The following TREH variants were observed in gnomAD, a reference collection of about 807,000 sequenced individuals.
The protein encoded by TREH is alpha,alpha-trehalose glucohydrolase.
Under a neutral mutation model 80.5 loss-of-function variants are expected in TREH, and 69 were observed. That is an observed-to-expected ratio of 0.86 (90% CI 0.71 to 1.05). The LOEUF is 1.05. TREH is among the 50% of genes least tolerant of loss of function. The pLI is 0.00. For synonymous variants in TREH, 309 were observed against 293.5 expected, an observed-to-expected ratio of 1.05 and a Z score of -0.54; for missense variants, 716 against 718.8, an observed-to-expected ratio of 1.00 and a Z score of 0.04.
In TREH at chr11:118,661,774, C is replaced by T. The variant is rs894599090; in HGVS notation, c.525-45G>A. The T allele has an allele frequency of 6.2e-7, 1 of 1,609,128 alleles. No individual in the cohort carries two copies. Among genetic ancestry groups the T allele is most frequent in the African/African-American group, 1.3e-5 (1 of 74,848 alleles). ...GGCACCACCCTGCTGCCTCCCTCTGCCCTGCACACCAGCCAGTGGGGCACT... is the reference window on the plus strand; with the variant it reads ...GGCACCACCCTGCTGCCTCCCTCTGTCCTGCACACCAGCCAGTGGGGCACT... On this transcript the variant is annotated intron_variant, in intron 5 of 14. Coordinates refer to ENST00000264029, the MANE Select transcript of TREH (RefSeq NM_007180.3). This position sits in a 1 kb window ranked among gnomAD's most constrained non-coding sequence, Gnocchi z 4.2.
At chr11:118,671,353 G>A (rs937700936) in intron 1 of TREH, among the ~76,000 whole-genome samples, 1 of 151,958 alleles carries the variant, frequency 6.6e-6, no homozygotes, top group Non-Finnish European at 1.5e-5. Flanking sequence ...TAATTGAAAA[G>A]AATCAAGCTG....
At chr11:118,659,582 T>C (rs1266990407) in intron 11 of TREH, 101 bp from the exon 12 acceptor site, 1 of 1,353,322 alleles carries the variant, frequency 7.4e-7, no homozygotes, top group Non-Finnish European at 1.0e-6. Context: ...CCTTCCTGGC[T>C]CTTCTTTTCT....
intron 1 of TREH, among the ~76,000 whole-genome samples, chr11:118,669,733 G>T (rs1949413730): frequency 6.6e-6 from 1 of 152,176 alleles, no homozygotes; most frequent in Non-Finnish European, 1.5e-5. Flanking sequence ...GTCGCAGGGA[G>T]GTGGGGATGG....
In TREH at chr11:118,663,357, G is replaced by T. The variant is rs199778067; in HGVS notation, c.172C>A (p.Pro58Thr). ...YQDDKQFVDM[P>T]LSIAPEQVLQ... ...GCTTCACCTGGAGCTATAGACAGTGGCATGTCCACAAACTGCTTGTCATCC... is the reference window on the plus strand; with the variant it reads ...GCTTCACCTGGAGCTATAGACAGTGTCATGTCCACAAACTGCTTGTCATCC... The change falls in exon 2 of 15, where the codon CCA (proline) becomes ACA (threonine). Residue 58 changes from proline (P) to threonine (T), a missense_variant. Transcript: ENST00000264029. 4 of 1,593,956 alleles carry T rather than the reference G, an allele frequency of 2.5e-6. No homozygotes were observed. The South Asian group carries it at 4.6e-5, about 18-fold the overall frequency.
chr11:118,659,690 G>T (rs1333860736), intron 11 of TREH, 57 bp downstream of exon 11: 3 of 1,540,974 alleles, frequency 1.9e-6, no homozygotes, highest in Admixed American at 2.0e-5. Flanking sequence ...TCCTGTTCAG[G>T]GTCGGGAGGG....
intron 11 of TREH, 114 bp from the exon 12 acceptor site, chr11:118,659,595 G>T (rs1347116048): frequency 8.1e-6 from 11 of 1,350,022 alleles, no homozygotes; most frequent in Non-Finnish European, 1.0e-5. Context: ...TCTTTTCTCG[G>T]CTCACAGCTG....
Position 118,661,277 on chromosome 11 carries a change from T to A in TREH, c.740A>T (p.Asn247Ile). The change falls in exon 8 of 15, where the codon AAC becomes ATC. Residue 247 changes from asparagine to isoleucine, a missense_variant. Physicochemically the swap from Asn to Ile is moderately radical, Grantham distance 149 (BLOSUM62 -3). Coordinates refer to ENST00000264029, the MANE Select transcript of TREH (RefSeq NM_007180.3). The surrounding 1 kb of genome is among the most constrained non-coding windows in gnomAD (Gnocchi z 4.2). ...HTNDTAFLQE[N>I]IETLALELDF... The stretch of plus-strand genomic sequence containing the variant: ...CAATTCCAAGGCTAGTGTTTCAATG[T>A]TTTCCCTGGAGTGAAGCAGACAACA... 1 of 1,613,922 alleles carries A rather than the reference T, an allele frequency of 6.2e-7. No homozygotes were observed. The highest frequency in any genetic ancestry group is 8.5e-7 in the Non-Finnish European group (1 of 1,179,870).
Position 118,659,950 on chromosome 11 carries a change from C to A in TREH, c.1117G>T (p.Ala373Ser). 1 of 1,551,482 alleles carries A rather than the reference C, an allele frequency of 6.4e-7. No homozygotes were observed. Among genetic ancestry groups the A allele is most frequent in the Non-Finnish European group, 8.7e-7 (1 of 1,147,010 alleles). The change falls in exon 11 of 15, where the codon GCC becomes TCC. Residue 373 changes from alanine to serine, a missense_variant. Physicochemically the swap from Ala to Ser is moderately conservative, Grantham distance 99 (BLOSUM62 1). Transcript: ENST00000264029. ...GACCGCAGGATTCTGTACTTCGTGGCCTGGGAGTCGTTCCCTGGGGCAGTG... is the reference window on the plus strand; with the variant it reads ...GACCGCAGGATTCTGTACTTCGTGGACTGGGAGTCGTTCCCTGGGGCAGTG... ...FYSRLGNDSQ[A>S]TKYRILRSQR...
At position 118,662,895 on chromosome 11, in the gene TREH, T is replaced by G; in HGVS notation, c.409A>C (p.Lys137Gln). 6.3e-7 allele frequency: 1 copy of G among 1,593,850 alleles called. No homozygotes were observed. Among genetic ancestry groups the G allele is most frequent in the Non-Finnish European group, 8.5e-7 (1 of 1,169,990 alleles). The change falls in exon 4 of 15, where the codon AAG (lysine) becomes CAG (glutamine). Residue 137 changes from lysine to glutamine, a missense_variant. Physicochemically the swap from Lys to Gln is moderately conservative, Grantham distance 53 (BLOSUM62 1). Transcript: ENST00000264029. ...WAGQLHQLWK[K>Q]LGKKMKPEVL... Reference sequence around the variant, plus strand: ...GACGCTGATACCTTCTTCCCCAGCTTCTTCCAGAGCTGATGCAGCTGCCCT... The same window carrying G: ...GACGCTGATACCTTCTTCCCCAGCTGCTTCCAGAGCTGATGCAGCTGCCCT...
rs1949326012 is a variant in TREH at position 118,661,807 on chromosome 11, G to A, written c.525-78C>T. On this transcript the variant is annotated intron_variant, in intron 5 of 14. Transcript: ENST00000264029. The surrounding 1 kb of genome is among the most constrained non-coding windows in gnomAD (Gnocchi z 4.2). Reference sequence around the variant, plus strand: ...ACCAGCCAGTGGGGCACTCTGCCCTGCTGAAGACACCCTGCTGGCCCTGGG... The same window carrying A: ...ACCAGCCAGTGGGGCACTCTGCCCTACTGAAGACACCCTGCTGGCCCTGGG... 2.5e-6 allele frequency: 4 copies of A among 1,598,774 alleles called. No homozygotes were observed. The highest frequency in any genetic ancestry group is 3.4e-6 in the Non-Finnish European group (4 of 1,168,506).
In TREH at chr11:118,663,066, T is replaced by G. The variant is rs1555145289; in HGVS notation, c.321A>C (p.Ala107=). ...CAGAGTCATACCTGTCTTTCCAGTCTGCAGGGGTCCAGGGCTGCAGCTCCT... is the reference window on the plus strand; with the variant it reads ...CAGAGTCATACCTGTCTTTCCAGTCGGCAGGGGTCCAGGGCTGCAGCTCCT... ...KGQELQPWTP[A]DWKDSPQFLQ... is the part of the protein sequence containing the mutation. Residue 107 remains alanine, a synonymous_variant, in exon 3 of 15, where the codon GCA becomes GCC. Transcript: ENST00000264029. 1.9e-6 allele frequency: 3 copies of G among 1,613,866 alleles called. No individual in the cohort carries two copies. The highest frequency in any genetic ancestry group is 1.1e-5 in the South Asian group (1 of 91,074).
chr11:118,672,354 C>T lies in TREH; in HGVS notation c.89+7185G>A, dbSNP rs1265646179. Among the ~76,000 whole-genome samples, 6 of 151,562 alleles carry T rather than the reference C, an allele frequency of 4.0e-5. No homozygotes were observed. In the South Asian group the frequency reaches 1.0e-3, roughly 26 times the overall value. On this transcript the variant is annotated intron_variant, in intron 1 of 14. Coordinates refer to ENST00000264029, the MANE Select transcript of TREH (RefSeq NM_007180.3). Reference sequence around the variant, plus strand: ...TGGAGGTTGCAGTGAGCTGAGATCTCGCCCCTGCACTCCAGCCTGGGCAAC... The same window carrying T: ...TGGAGGTTGCAGTGAGCTGAGATCTTGCCCCTGCACTCCAGCCTGGGCAAC...
At chr11:118,668,281 T>G (rs1215462781) in intron 1 of TREH, among the ~76,000 whole-genome samples, 5 of 106,670 alleles carry the variant, frequency 4.7e-5, no homozygotes, top group Non-Finnish European at 7.3e-5. Flanking sequence ...AAAACCAGGA[T>G]GAAGACACAT....
rs781800491 is a variant in TREH at position 118,659,467 on chromosome 11, C to T, written c.1335G>A (p.Leu445=). Residue 445 remains leucine (L), a synonymous_variant, in exon 12 of 15, where the codon CTG becomes CTA. Coordinates refer to ENST00000264029, the MANE Select transcript of TREH (RefSeq NM_007180.3). ...ALKYLEDNRI[L]TYQYGIPTSL... ...AGGTCGGGATCCCATACTGGTAAGT[C>T]AGGATCCGGTTGTCCTAGAAGGTCC... The T allele has an allele frequency of 8.1e-6, 13 of 1,599,274 alleles. No homozygotes were observed. In the South Asian group the frequency reaches 1.5e-4, roughly 18 times the overall value.
At chr11:118,673,720 C>G (rs1186754418) in intron 1 of TREH, among the ~76,000 whole-genome samples, 4 of 152,200 alleles carry the variant, frequency 2.6e-5, no homozygotes, top group African/African-American at 9.7e-5. Context: ...GACAAGGTTC[C>G]CATTGTCCTT....
rs1949326998 is a variant in TREH, at chr11:118,661,861, C to T, written c.524+29G>A. 1 of 1,567,946 alleles carries T rather than the reference C, an allele frequency of 6.4e-7. No individual in the cohort carries two copies. Among genetic ancestry groups the T allele is most frequent in the Non-Finnish European group, 8.7e-7 (1 of 1,156,054 alleles). ...CTCCACCACTGCCAGTCCTGCAGGC[C>T]CCTTGGTCTCTTGGGCCTGGGCGCT... On this transcript the variant is annotated intron_variant, in intron 5 of 14. Coordinates refer to ENST00000264029, the MANE Select transcript of TREH (RefSeq NM_007180.3). The surrounding 1 kb of genome is among the most constrained non-coding windows in gnomAD (Gnocchi z 4.2).
intron 1 of TREH, among the ~76,000 whole-genome samples, chr11:118,664,549 A>G (rs549135463): frequency 6.6e-6 from 1 of 152,316 alleles, no homozygotes; most frequent in Admixed American, 6.5e-5. Context: ...AAATGTGCAA[A>G]ATACTACAAG....
In TREH at chr11:118,661,832, G is replaced by A. The variant is rs1482435856; in HGVS notation, c.524+58C>T. The A allele has an allele frequency of 6.3e-7, 1 of 1,583,440 alleles. No homozygotes were observed. Among genetic ancestry groups the A allele is most frequent in the Non-Finnish European group, 8.6e-7 (1 of 1,162,544 alleles). The stretch of plus-strand genomic sequence containing the variant: ...GCTGAAGACACCCTGCTGGCCCTGG[G>A]TTTCTCCACCACTGCCAGTCCTGCA... On this transcript the variant is annotated intron_variant, in intron 5 of 14. Transcript: ENST00000264029. This position sits in a 1 kb window ranked among gnomAD's most constrained non-coding sequence, Gnocchi z 4.2.
chr11:118,657,976 T>G lies in TREH; in HGVS notation c.*313A>C. 1.3e-5 allele frequency: 4 copies of G among 308,958 alleles called. No individual in the cohort carries two copies. Among genetic ancestry groups the G allele is most frequent in the East Asian group, 5.8e-5 (1 of 17,176 alleles). The allele number at this position is 308,958 out of a possible 1,614,324, so 19.1% of individuals were successfully genotyped here. A position where few individuals can be genotyped will look rare whatever the true frequency, so the allele number is the denominator to read the frequency against. On this transcript the variant is annotated 3_prime_UTR_variant, in exon 15 of 15. Coordinates refer to ENST00000264029, the MANE Select transcript of TREH (RefSeq NM_007180.3). ...GGTTGCCTGGGCCCAGGCTGGGGGTTTTCAGTATTTGTAAGCATTTCAGCA... is the reference window on the plus strand; with the variant it reads ...GGTTGCCTGGGCCCAGGCTGGGGGTGTTCAGTATTTGTAAGCATTTCAGCA...
Sources: gnomAD v4.1 joint callset for allele counts (sites outside exome capture counted in the v4.1 genomes callset) on GRCh38, gnomAD v4.1.1 for gene constraint, Gnocchi (gnomAD v3.1) non-coding constraint, MANE v1.5 for transcripts, NCBI Gene and HGNC (gene_info 2026-07-23, HGNC 2026-07-21) for gene names.